The following COL8A1 variants were observed in gnomAD, a reference collection of about 807,000 sequenced individuals.
COL8A1 encodes the protein collagen alpha-1(VIII) chain.
A neutral mutation model predicts 42.7 loss-of-function variants in COL8A1; 21 were observed. That is an observed-to-expected ratio of 0.49 (90% CI 0.35 to 0.71). The LOEUF (loss-of-function observed/expected upper bound fraction) is 0.71. Among genes scored for constraint, COL8A1 ranks in the 30% least tolerant of loss-of-function variants. The pLI, the probability that COL8A1 is intolerant of heterozygous loss-of-function variation, is 0.01. For missense variants in COL8A1, 788 were observed against 962.4 expected, an observed-to-expected ratio of 0.82 and a Z score of 2.40; for synonymous variants, 367 against 369.1, an observed-to-expected ratio of 0.99 and a Z score of 0.06.
In COL8A1 at chr3:99,720,904, G is replaced by T. The variant is rs534875736; in HGVS notation, c.-128-23993G>T. Among the ~76,000 whole-genome samples, 4 of 152,174 alleles carry T rather than the reference G, an allele frequency of 2.6e-5. No homozygotes were observed. In the South Asian group the frequency reaches 8.3e-4, roughly 32 times the overall value. ...GGAGTTTCTGAGAACTAAAGTGAAT[G>T]GGAGGAAAGACCTTCATAGTGATCC... On this transcript the variant is annotated intron_variant, in intron 1 of 3. Transcript: ENST00000652472.
At chr3:99,743,496 T>TC (rs1283913465) in intron 1 of COL8A1, among the ~76,000 whole-genome samples, 1 of 152,228 alleles carries the variant, frequency 6.6e-6, no homozygotes, top group Non-Finnish European at 1.5e-5. Context: ...TACAGTCATT[T>TC]CGCAGATAGA....
intron 1 of COL8A1, among the ~76,000 whole-genome samples, chr3:99,716,843 T>G (rs1264188183): frequency 1.3e-5 from 2 of 152,072 alleles, no homozygotes; most frequent in Non-Finnish European, 2.9e-5. Context: ...GTCATAAGGT[T>G]GTTCAGTCCC....
intron 1 of COL8A1, among the ~76,000 whole-genome samples, chr3:99,733,522 C>T (rs1482714301): frequency 6.6e-6 from 1 of 151,620 alleles, no homozygotes; most frequent in Non-Finnish European, 1.5e-5. Context: ...TGTATATGTG[C>T]CACATTTTCT....
intron 2 of COL8A1, among the ~76,000 whole-genome samples, chr3:99,759,637 G>T (rs983753877): frequency 4.6e-5 from 7 of 152,090 alleles, no homozygotes; most frequent in Non-Finnish European, 1.0e-4. Flanking sequence ...ATTAACCAAT[G>T]TTTTTTTAGA....
intron 2 of COL8A1, among the ~76,000 whole-genome samples, chr3:99,772,349 T>A (rs1358601377): frequency 1.3e-5 from 2 of 152,068 alleles, no homozygotes; most frequent in African/African-American, 4.8e-5. Context: ...GCACAAAGGA[T>A]TCTTGGAGCG....
At chr3:99,726,887 C>G (rs554353186) in intron 1 of COL8A1, among the ~76,000 whole-genome samples, 1 of 151,896 alleles carries the variant, frequency 6.6e-6, no homozygotes, top group African/African-American at 2.4e-5. Flanking sequence ...ATTGACTTGG[C>G]GATGCGGGCT....
chr3:99,655,509 A>G (rs1300104078), intron 1 of COL8A1, among the ~76,000 whole-genome samples: 2 of 152,254 alleles, frequency 1.3e-5, no homozygotes, highest in Non-Finnish European at 2.9e-5. Flanking sequence ...CAGCAGACAG[A>G]GGCACACAGC....
chr3:99,789,555 C>T (rs1433889498), intron 2 of COL8A1, among the ~76,000 whole-genome samples: 1 of 152,130 alleles, frequency 6.6e-6, no homozygotes, highest in Non-Finnish European at 1.5e-5. Context: ...CACACTTGCC[C>T]TCTAGTGTGC....
At chr3:99,776,553 G>A (rs922179564) in intron 2 of COL8A1, among the ~76,000 whole-genome samples, 11 of 151,968 alleles carry the variant, frequency 7.2e-5, no homozygotes, top group Non-Finnish European at 4.4e-5. Context: ...CACTTTGTAA[G>A]CAAAAAAAAT....
intron 1 of COL8A1, among the ~76,000 whole-genome samples, chr3:99,669,678 C>T (rs947280889): frequency 1.3e-5 from 2 of 152,008 alleles, no homozygotes; most frequent in African/African-American, 2.4e-5. Context: ...CCATATCCTA[C>T]ATAATAACCA....
intron 2 of COL8A1, among the ~76,000 whole-genome samples, chr3:99,757,521 A>G (rs184053681): frequency 6.6e-6 from 1 of 152,306 alleles, no homozygotes; most frequent in African/African-American, 2.4e-5. Context: ...GCCCCAAAAG[A>G]TGACTTCTTT....
intron 1 of COL8A1, among the ~76,000 whole-genome samples, chr3:99,687,362 G>A (rs147360404): frequency 6.6e-6 from 1 of 152,320 alleles, no homozygotes; most frequent in African/African-American, 2.4e-5. Context: ...GTATGATAAT[G>A]GAGGCAAAAT....
intron 1 of COL8A1, among the ~76,000 whole-genome samples, chr3:99,667,873 G>A (rs573938719): frequency 1.3e-5 from 2 of 152,018 alleles, no homozygotes; most frequent in South Asian, 2.1e-4. Context: ...CTCTGCCTAG[G>A]TTTTTATCTC....
chr3:99,645,842 A>G (rs766652232), intron 1 of COL8A1, among the ~76,000 whole-genome samples: 5 of 152,172 alleles, frequency 3.3e-5, no homozygotes, highest in Non-Finnish European at 7.3e-5. Flanking sequence ...TTCCAAGGCT[A>G]CCACCAGCCA....
chr3:99,674,504 G>A (rs1182666561), intron 1 of COL8A1, among the ~76,000 whole-genome samples: 1 of 151,424 alleles, frequency 6.6e-6, no homozygotes, highest in African/African-American at 2.4e-5. Flanking sequence ...CCTGCCACTG[G>A]CTCACACATG....
chr3:99,792,965 A>G (rs999538259), intron 3 of COL8A1, among the ~76,000 whole-genome samples: 4 of 152,242 alleles, frequency 2.6e-5, no homozygotes, highest in African/African-American at 9.6e-5. Flanking sequence ...GTATTTAAGC[A>G]TAAGAGGAAA....
chr3:99,728,479 G>A (rs1206322895), intron 1 of COL8A1, among the ~76,000 whole-genome samples: 1 of 151,916 alleles, frequency 6.6e-6, no homozygotes, highest in Non-Finnish European at 1.5e-5. Context: ...TTATTTTAAA[G>A]TTACATAAAA....
At chr3:99,753,489 T>C (rs755631250) in intron 2 of COL8A1, among the ~76,000 whole-genome samples, 10 of 152,194 alleles carry the variant, frequency 6.6e-5, no homozygotes, top group Non-Finnish European at 1.3e-4. Context: ...GACTTCTCAA[T>C]GCTATAGGGT....
At chr3:99,679,536 T>C (rs1200242381) in intron 1 of COL8A1, 1 of 152,204 alleles carries the variant, frequency 6.6e-6, no homozygotes, top group Non-Finnish European at 1.5e-5. Flanking sequence ...ATTGAAATCA[T>C]CAACAGGAGA....
Sources: allele counts gnomAD v4.1 joint callset (sites outside exome capture counted in the v4.1 genomes callset), GRCh38; gene constraint gnomAD v4.1.1; transcripts MANE v1.5; gene names NCBI Gene and HGNC (gene_info 2026-07-23, HGNC 2026-07-21).